DIDO1: variants seen among roughly 807,000 people sequenced by gnomAD.
The protein encoded by DIDO1 is death-inducer obliterator 1.
Under a neutral mutation model 99.4 loss-of-function variants are expected in DIDO1, and 16 were observed. The observed-to-expected ratio is 0.16, with a 90% confidence interval of 0.11 to 0.24. The LOEUF (loss-of-function observed/expected upper bound fraction) is 0.24. Among genes scored for constraint, DIDO1 ranks in the 10% least tolerant of loss-of-function variants. DIDO1 has a pLI of 1.00. For synonymous variants in DIDO1, 1,366 were observed against 1,239.1 expected (o/e 1.10, Z -2.15); for missense variants, 2,996 against 3,014.0 (o/e 0.99, Z 0.14).
In DIDO1 at chr20:62,896,826, G is replaced by T. The variant is rs150365201; in HGVS notation, c.1759C>A (p.Pro587Thr). The change falls in exon 7 of 16, where the codon CCC (proline) becomes ACC (threonine). Residue 587 changes from proline (P) to threonine (T), a missense_variant. By Grantham distance (38) the Pro-to-Thr change is conservative. Coordinates refer to ENST00000395343, the MANE Select transcript of DIDO1 (RefSeq NM_001193369.2). The surrounding 1 kb of genome is among the most constrained non-coding windows in gnomAD (Gnocchi z 4.4). ...AAATPAIKKPPSGFKGTIPKR... is the reference protein window; with the variant it reads ...AAATPAIKKPTSGFKGTIPKR... ...GGGATGGTGCCCTTGAAACCTGAGG[G>T]TGGCTTTTTAATGGCTGGTGTGGCT... is the stretch of plus-strand genomic sequence containing the variant. 6.2e-7 allele frequency: 1 copy of T among 1,614,116 alleles called. No individual in the cohort carries two copies. Among genetic ancestry groups the T allele is most frequent in the Non-Finnish European group, 8.5e-7 (1 of 1,180,056 alleles).
chr20:62,882,075 G>A lies in DIDO1; in HGVS notation c.3881C>T (p.Ala1294Val), dbSNP rs1461108740. ...GGAGGAAGCTGCCGTGGAGGCTGCC[G>A]CTGCTGTTGTGGCTGCTGTGGCTGG... Reference protein sequence around the residue: ...PSPATAATTAAAASTAASSTA... With the variant: ...PSPATAATTAVAASTAASSTA... The change falls in exon 16 of 16, where the codon GCG (alanine) becomes GTG (valine). Residue 1294 changes from alanine to valine, a missense_variant. Transcript: ENST00000395343. The A allele has an allele frequency of 1.9e-6, 3 of 1,601,188 alleles. No homozygotes were observed. The highest frequency in any genetic ancestry group is 1.7e-6 in the Non-Finnish European group (2 of 1,171,682).
rs1240029840 is a variant in DIDO1, at chr20:62,881,026, G to C, written c.4930C>G (p.Pro1644Ala). 1 of 1,605,044 alleles carries C rather than the reference G, an allele frequency of 6.2e-7. No homozygotes were observed. Among genetic ancestry groups the C allele is most frequent in the African/African-American group, 1.3e-5 (1 of 74,884 alleles). ...WKAEPGEGTR[P>A]ATVGDSSARP... ...GCCGAGCTGTCTCCAACCGTGGCGG[G>C]GCGGGTGCCCTCCCCAGGCTCTGCC... Residue 1644 changes from proline to alanine, a missense_variant, in exon 16 of 16, where the codon CCC becomes GCC. Pro to Ala is a conservative substitution (Grantham distance 27). Around this residue, in one of 5 missense-constraint regions of DIDO1, gnomAD observed 1,562 missense variants for 1,412.6 expected, o/e 1.11. Coordinates refer to ENST00000395343, the MANE Select transcript of DIDO1 (RefSeq NM_001193369.2). This position sits in a 1 kb window ranked among gnomAD's most constrained non-coding sequence, Gnocchi z 8.3.
intron 6 of DIDO1, among the ~76,000 whole-genome samples, chr20:62,901,700 G>C (rs964497591): frequency 2.0e-5 from 3 of 151,576 alleles, no homozygotes; most frequent in Non-Finnish European, 2.9e-5. Flanking sequence ...TGCGGCAAAT[G>C]AAAGTTGCCG....
Position 62,892,814 on chromosome 20 carries a change from T to G in DIDO1, c.3250A>C (p.Ser1084Arg). The G allele has an allele frequency of 6.2e-7, 1 of 1,613,212 alleles. No individual in the cohort carries two copies. Residue 1084 changes from serine (S) to arginine (R), a missense_variant, in exon 13 of 16, where the codon AGT (serine) becomes CGT (arginine). By Grantham distance (110) the Ser-to-Arg change is moderately radical (BLOSUM62 -1). Transcript: ENST00000395343. ...YPVSGCFDYLSEDLPDTIHIG... is the reference protein window; with the variant it reads ...YPVSGCFDYLREDLPDTIHIG... ...CACATTTTCTTGGTTCTAACCTCAC[T>G]GAGGTAATCAAAACACCCAGAGACA...
intron 1 of DIDO1, among the ~76,000 whole-genome samples, chr20:62,917,110 C>T (rs1331376245): frequency 6.6e-6 from 1 of 152,206 alleles, no homozygotes; most frequent in African/African-American, 2.4e-5. Context: ...CCCCCACCCA[C>T]ACCACCGCCA....
At chr20:62,885,416 G>A (rs146313091) in intron 15 of DIDO1, among the ~76,000 whole-genome samples, 3 of 152,328 alleles carry the variant, frequency 2.0e-5, no homozygotes, top group African/African-American at 2.4e-5. Context: ...ACGTGGTCCC[G>A]TCTCGTGGTG....
rs1429500505 is a variant in DIDO1, at chr20:62,894,378, C to T, written c.2572+35G>A. The stretch of plus-strand genomic sequence containing the variant: ...TTTTTAACAAAATCAAGTTTAGTCT[C>T]AGCTCCAAGGCTCCATCCCCTGCAC... On this transcript the variant is annotated intron_variant, in intron 11 of 15. Coordinates refer to ENST00000395343, the MANE Select transcript of DIDO1 (RefSeq NM_001193369.2). The surrounding 1 kb of genome is among the most constrained non-coding windows in gnomAD (Gnocchi z 4.4). The T allele has an allele frequency of 6.3e-7, 1 of 1,599,048 alleles. No individual in the cohort carries two copies. Among genetic ancestry groups the T allele is most frequent in the Non-Finnish European group, 8.5e-7 (1 of 1,173,636 alleles).
At chr20:62,900,056 C>A (rs2064630388) in intron 6 of DIDO1, among the ~76,000 whole-genome samples, 1 of 152,204 alleles carries the variant, frequency 6.6e-6, no homozygotes, top group African/African-American at 2.4e-5. Flanking sequence ...CAGGAAAAAA[C>A]CCCACTGCAG....
chr20:62,926,598 A>G (rs1001096612), upstream of DIDO1: 1 of 151,092 alleles, frequency 6.6e-6, no homozygotes, highest in Non-Finnish European at 1.5e-5. Flanking sequence ...CCGGGCTGCG[A>G]AGCCCGGCCC....
upstream of DIDO1, among the ~76,000 whole-genome samples, chr20:62,926,883 G>C (rs903908817): frequency 6.6e-6 from 1 of 152,148 alleles, no homozygotes; most frequent in African/African-American, 2.4e-5. Context: ...AAAGCTCCTG[G>C]GCTAAATTTG....
At position 62,894,808 on chromosome 20, in the gene DIDO1, A is replaced by T. The variant is rs767383731; in HGVS notation, c.2436+2T>A. ...TGAACACAAAATCTCCCAAATGCTTACCTCTGAATCCGACACTGGCGGAGA... is the reference window on the plus strand; with the variant it reads ...TGAACACAAAATCTCCCAAATGCTTTCCTCTGAATCCGACACTGGCGGAGA... On this transcript the variant is annotated splice_donor_variant, in intron 10 of 15. Coordinates refer to ENST00000395343, the MANE Select transcript of DIDO1 (RefSeq NM_001193369.2). LOFTEE classifies it high-confidence loss of function. This position sits in a 1 kb window ranked among gnomAD's most constrained non-coding sequence, Gnocchi z 4.4. 2 of 1,609,090 alleles carry T rather than the reference A, an allele frequency of 1.2e-6. No individual in the cohort carries two copies. The highest frequency in any genetic ancestry group is 2.2e-5 in the South Asian group (2 of 90,586).
rs6011441 is a variant in DIDO1, at chr20:62,882,297, G to C, written c.3659C>G (p.Pro1220Arg). The change falls in exon 16 of 16, where the codon CCG (proline) becomes CGG (arginine). Residue 1220 changes from proline to arginine, a missense_variant. Around this residue, in one of 5 missense-constraint regions of DIDO1, gnomAD observed 1,562 missense variants for 1,412.6 expected, o/e 1.11. Transcript: ENST00000395343. Reference protein sequence around the residue: ...KMDEKRTRLQPEEADVPAYPK... With the variant: ...KMDEKRTRLQREEADVPAYPK... Reference sequence around the variant, plus strand: ...ATAGGCCGGAACGTCCGCTTCTTCCGGTTGAAGTCGGGTCCGCTTTTCGTC... The same window carrying C: ...ATAGGCCGGAACGTCCGCTTCTTCCCGTTGAAGTCGGGTCCGCTTTTCGTC... 6.2e-7 allele frequency: 1 copy of C among 1,613,830 alleles called. No homozygotes were observed. The highest frequency in any genetic ancestry group is 1.7e-5 in the Admixed American group (1 of 60,010).
chr20:62,911,510 C>A lies in DIDO1; in HGVS notation c.103G>T (p.Ala35Ser), dbSNP rs760687575. 1 of 1,612,638 alleles carries A rather than the reference C, an allele frequency of 6.2e-7. No homozygotes were observed. The highest frequency in any genetic ancestry group is 8.5e-7 in the Non-Finnish European group (1 of 1,179,364). The change falls in exon 3 of 16, where the codon GCC becomes TCC. Residue 35 changes from alanine (A) to serine (S), a missense_variant. This residue lies in a region of DIDO1 where 388 missense variants were observed against 376.6 expected (regional missense o/e 1.03). Transcript: ENST00000395343. The surrounding 1 kb of genome is among the most constrained non-coding windows in gnomAD (Gnocchi z 7.0). Reference protein sequence around the residue: ...KTWGFRRTTIAKREGAGDAEA... With the variant: ...KTWGFRRTTISKREGAGDAEA... ...GCGTCCCCTGCGCCCTCTCGCTTGG[C>A]GATAGTGGTCCTTCGAAAACCCCAT...
chr20:62,911,706 TACAA>T lies in DIDO1; in HGVS notation c.-2-96_-2-93del. 1 of 1,153,404 alleles carries T rather than the reference TACAA, an allele frequency of 8.7e-7. No homozygotes were observed. The highest frequency in any genetic ancestry group is 1.2e-6 in the Non-Finnish European group (1 of 832,176). The allele number at this position is 1,153,404 out of a possible 1,614,324, so 71.4% of individuals were successfully genotyped here. A position where few individuals can be genotyped will look rare whatever the true frequency, so the allele number is the denominator to read the frequency against. ...ACACGCGCAGCAGGGGCCACCTCCC[TACAA>T]ACAGTGGAGCTCTACATAAAGCAAG... is the stretch of plus-strand genomic sequence containing the variant. On this transcript the variant is annotated intron_variant, in intron 2 of 15. Coordinates refer to ENST00000395343, the MANE Select transcript of DIDO1 (RefSeq NM_001193369.2). The surrounding 1 kb of genome is among the most constrained non-coding windows in gnomAD (Gnocchi z 7.0).
chr20:62,911,759 T>C lies in DIDO1; in HGVS notation c.-2-145A>G. On this transcript the variant is annotated intron_variant, in intron 2 of 15. Coordinates refer to ENST00000395343, the MANE Select transcript of DIDO1 (RefSeq NM_001193369.2). The surrounding 1 kb of genome is among the most constrained non-coding windows in gnomAD (Gnocchi z 7.0). ...AGTCCTTCTGACCAGTGTTTCCTAA[T>C]GTGTGCTATGTGAGATGATTCAAGA... 3.3e-6 allele frequency: 2 copies of C among 605,858 alleles called. No individual in the cohort carries two copies. The highest frequency in any genetic ancestry group is 6.1e-5 in the East Asian group (2 of 32,976). 37.5% of individuals were successfully genotyped at this position (605,858 alleles called of 1,614,324 possible).
intron 2 of DIDO1, among the ~76,000 whole-genome samples, chr20:62,913,899 T>C (rs1020689698): frequency 3.3e-5 from 5 of 152,236 alleles, no homozygotes; most frequent in African/African-American, 1.2e-4. Context: ...CTCAAATATT[T>C]AGATCATCTC....
chr20:62,879,634 G>C lies in DIDO1; in HGVS notation c.6322C>G (p.Arg2108Gly). ...TCTCTCCTCCTGTCCTCGGACGCCC[G>C]GCCCTGGGCGTCGGGCTCCTCCAGC... Reference protein sequence around the residue: ...KPLEEPDAQGRASEDRRRERE... With the variant: ...KPLEEPDAQGGASEDRRRERE... Residue 2108 changes from arginine to glycine, a missense_variant, in exon 16 of 16, where the codon CGG (arginine) becomes GGG (glycine). Around this residue, in one of 5 missense-constraint regions of DIDO1, gnomAD observed 1,562 missense variants for 1,412.6 expected, o/e 1.11. Coordinates refer to ENST00000395343, the MANE Select transcript of DIDO1 (RefSeq NM_001193369.2). The surrounding 1 kb of genome is among the most constrained non-coding windows in gnomAD (Gnocchi z 6.3). 6.2e-7 allele frequency: 1 copy of C among 1,606,258 alleles called. No individual in the cohort carries two copies. Among genetic ancestry groups the C allele is most frequent in the Non-Finnish European group, 8.5e-7 (1 of 1,179,754 alleles).
chr20:62,884,732 GGA>G (rs2064270616), intron 15 of DIDO1, among the ~76,000 whole-genome samples: 2 of 152,178 alleles, frequency 1.3e-5, no homozygotes, highest in Admixed American at 6.5e-5. Context: ...CCTCCCTCCT[GGA>G]GAGAGGACCA....
intron 8 of DIDO1, among the ~76,000 whole-genome samples, chr20:62,895,602 G>A (rs868500753): frequency 6.6e-6 from 1 of 152,234 alleles, no homozygotes; most frequent in Admixed American, 6.5e-5. Context: ...CAAAGTCAGG[G>A]TATTTCATTA....
Sources: gnomAD v4.1 joint callset for allele counts (sites outside exome capture counted in the v4.1 genomes callset) on GRCh38, gnomAD v4.1.1 for gene constraint, gnomAD v4.1.1 regional missense constraint, Gnocchi (gnomAD v3.1) non-coding constraint, MANE v1.5 for transcripts, NCBI Gene and HGNC (gene_info 2026-07-23, HGNC 2026-07-21) for gene names.